Variants in ANKRD55 observed in about 807,000 individuals in gnomAD.
ANKRD55 encodes the protein ankyrin repeat domain-containing protein 55.
A neutral mutation model predicts 60.6 loss-of-function variants in ANKRD55; 41 were observed. The observed-to-expected ratio is 0.68, with a 90% CI of 0.53 to 0.88. The LOEUF (loss-of-function observed/expected upper bound fraction) is 0.88. ANKRD55 is among the 40% of genes least tolerant of loss of function. The pLI, the probability that ANKRD55 is intolerant of heterozygous loss-of-function variation, is 0.00. For synonymous variants in ANKRD55, 264 were observed against 290.3 expected (o/e 0.91, Z 0.92); for missense variants, 732 against 767.6 (o/e 0.95, Z 0.55).
Position 56,111,322 on chromosome 5 carries a change from C to G in ANKRD55, c.1426G>C (p.Glu476Gln). The stretch of plus-strand genomic sequence containing the variant: ...GTTCTGTTATTTAATAAATCCTGCT[C>G]ACTTCGACTTTTCTGAGATCGCTGG... ...MAQRSQKSRS[E>Q]QDLLNNRTGC... is the part of the protein sequence containing the mutation. Residue 476 changes from glutamate (E) to glutamine (Q), a missense_variant, in exon 10 of 12, where the codon GAG (glutamate) becomes CAG (glutamine). Around this residue, in one of 3 missense-constraint regions of ANKRD55, gnomAD observed 597 missense variants for 607.5 expected, o/e 0.98. Coordinates refer to ENST00000341048, the MANE Select transcript of ANKRD55 (RefSeq NM_024669.3). 7 of 1,614,150 alleles carry G rather than the reference C, an allele frequency of 4.3e-6. No homozygotes were observed. Among genetic ancestry groups the G allele is most frequent in the Non-Finnish European group, 5.9e-6 (7 of 1,180,036 alleles).
chr5:56,132,938 A>T (rs976098393), intron 7 of ANKRD55, among the ~76,000 whole-genome samples: 1 of 152,246 alleles, frequency 6.6e-6, no homozygotes, highest in Non-Finnish European at 1.5e-5. Flanking sequence ...AGGGTATTAC[A>T]TAATGATAAA....
At chr5:56,119,236 T>G (rs1580949742) in intron 8 of ANKRD55, among the ~76,000 whole-genome samples, 1 of 152,182 alleles carries the variant, frequency 6.6e-6, no homozygotes, top group Admixed American at 6.5e-5. Context: ...GGAATACTAC[T>G]CAGTAGTGAA....
chr5:56,167,791 C>T (rs915560997), intron 5 of ANKRD55, among the ~76,000 whole-genome samples: 1 of 152,140 alleles, frequency 6.6e-6, no homozygotes, highest in African/African-American at 2.4e-5. Flanking sequence ...GTTATAGCAA[C>T]TTAATGTAGA....
rs368205995 is a variant in ANKRD55 at position 56,196,420 on chromosome 5, G to A, written c.59-12786C>T. Among the ~76,000 whole-genome samples the A allele has an allele frequency of 6.6e-4, 101 of 152,270 alleles. 5 individuals carry two copies. The South Asian group carries it at 0.021, about 31-fold the overall frequency. ...AAGTAATAGCTAGTATTTATCGAGT[G>A]CCTACTGTGTGCTAACTATTGTGCT... On this transcript the variant is annotated intron_variant, in intron 2 of 11. Transcript: ENST00000341048.
At chr5:56,228,747 G>C (rs1219667626) in intron 2 of ANKRD55, among the ~76,000 whole-genome samples, 3 of 152,112 alleles carry the variant, frequency 2.0e-5, no homozygotes, top group Admixed American at 2.0e-4. Flanking sequence ...CTTGATTTCA[G>C]ACTTTTGGGC....
intron 8 of ANKRD55, among the ~76,000 whole-genome samples, chr5:56,126,106 C>G (rs1038566388): frequency 4.0e-5 from 6 of 151,508 alleles, no homozygotes; most frequent in African/African-American, 1.5e-4. Flanking sequence ...TGCACTCCAG[C>G]CTGGGCATCA....
Position 56,193,653 on chromosome 5 carries a change from T to G in ANKRD55, c.59-10019A>C, listed in dbSNP as rs1472559290. On this transcript the variant is annotated intron_variant, in intron 2 of 11. Coordinates refer to ENST00000341048, the MANE Select transcript of ANKRD55 (RefSeq NM_024669.3). ...GAAACCCTTGAAAGAAAATCATGAA[T>G]GAACAAAGGTAAAATGTCTAGCATT... 10 of 277,932 alleles carry G rather than the reference T, an allele frequency of 3.6e-5. No individual in the cohort carries two copies. The South Asian group carries it at 5.1e-4, about 14-fold the overall frequency. 17.2% of individuals were successfully genotyped at this position (277,932 alleles called of 1,614,324 possible). A position where few individuals can be genotyped will look rare whatever the true frequency, so the allele number is the denominator to read the frequency against.
chr5:56,218,573 G>A (rs1327565622), intron 2 of ANKRD55, among the ~76,000 whole-genome samples: 1 of 152,214 alleles, frequency 6.6e-6, no homozygotes, highest in East Asian at 1.9e-4. Context: ...TAGACAAAAT[G>A]CTGTTGCATA....
At chr5:56,130,351 C>T (rs985946361) in intron 7 of ANKRD55, among the ~76,000 whole-genome samples, 20 of 152,136 alleles carry the variant, frequency 1.3e-4, no homozygotes, top group African/African-American at 4.6e-4. Flanking sequence ...CACATGGGAG[C>T]AGAACAATAC....
At chr5:56,137,107 C>G (rs1757625022) in intron 7 of ANKRD55, 1 of 1,146,172 alleles carries the variant, frequency 8.7e-7, no homozygotes, top group Admixed American at 1.7e-5. Context: ...ATATGAAAAG[C>G]CACAAAGTAT....
chr5:56,141,593 G>A (rs1757768515), intron 7 of ANKRD55, among the ~76,000 whole-genome samples: 1 of 152,212 alleles, frequency 6.6e-6, no homozygotes, highest in Non-Finnish European at 1.5e-5. Flanking sequence ...GGAGCTTTCA[G>A]GTAGCTGAAC....
At chr5:56,130,795 G>A (rs899033412) in intron 7 of ANKRD55, among the ~76,000 whole-genome samples, 1 of 152,286 alleles carries the variant, frequency 6.6e-6, no homozygotes, top group East Asian at 1.9e-4. Flanking sequence ...TCCTAAGAGA[G>A]AACAAATAAT....
At chr5:56,137,932 TC>T (rs1443470600) in intron 7 of ANKRD55, among the ~76,000 whole-genome samples, 2 of 151,942 alleles carry the variant, frequency 1.3e-5, no homozygotes, top group Non-Finnish European at 2.9e-5. Context: ...ATGCACCACA[TC>T]ATACGCCATC....
At chr5:56,194,883 A>T (rs1759194684) in intron 2 of ANKRD55, among the ~76,000 whole-genome samples, 1 of 152,202 alleles carries the variant, frequency 6.6e-6, no homozygotes, top group African/African-American at 2.4e-5. Flanking sequence ...CTACATAGTT[A>T]TGATTTCTTT....
chr5:56,107,743 C>T (rs147513963), intron 10 of ANKRD55, among the ~76,000 whole-genome samples: 125 of 152,198 alleles, frequency 8.2e-4, no homozygotes, highest in South Asian at 2.7e-3. Context: ...ATCAGCCCCT[C>T]GAGGAGAGAA....
chr5:56,115,381 C>T (rs2111687959), intron 9 of ANKRD55, among the ~76,000 whole-genome samples: 1 of 149,486 alleles, frequency 6.7e-6, no homozygotes, highest in Admixed American at 6.7e-5. Context: ...TGCAGTGGCA[C>T]TGTCTCGGCT....
intron 2 of ANKRD55, among the ~76,000 whole-genome samples, chr5:56,221,186 C>T (rs1449139063): frequency 1.3e-5 from 2 of 152,200 alleles, no homozygotes; most frequent in South Asian, 2.1e-4. Context: ...CCTTTCAAAA[C>T]TCCTTTCAGA....
intron 2 of ANKRD55, among the ~76,000 whole-genome samples, chr5:56,216,260 T>C (rs752155497): frequency 1.3e-5 from 2 of 152,130 alleles, no homozygotes; most frequent in Admixed American, 1.3e-4. Flanking sequence ...CCACAGAAGA[T>C]GGTGGACTTA....
intron 9 of ANKRD55, among the ~76,000 whole-genome samples, chr5:56,115,350 G>C (rs1580945372): frequency 6.9e-6 from 1 of 145,210 alleles, no homozygotes; most frequent in Non-Finnish European, 1.5e-5. Flanking sequence ...AGACGGTCTT[G>C]CTCTGTCATC....
Sources: gnomAD v4.1 joint callset for allele counts (sites outside exome capture counted in the v4.1 genomes callset) on GRCh38, gnomAD v4.1.1 for gene constraint, gnomAD v4.1.1 regional missense constraint, MANE v1.5 for transcripts, NCBI Gene and HGNC (gene_info 2026-07-23, HGNC 2026-07-21) for gene names.